Variants in ARHGAP15 observed in about 807,000 individuals in gnomAD.
ARHGAP15 encodes the protein rho GTPase-activating protein 15.
A neutral mutation model predicts 63.7 loss-of-function variants in ARHGAP15; 51 were observed. The ratio of observed to expected loss-of-function variants is 0.80; its 90% CI spans 0.64 to 1.01. The LOEUF is 1.01. Among genes scored for constraint, ARHGAP15 ranks in the 50% least tolerant of loss-of-function variants. The pLI, the probability that ARHGAP15 is intolerant of heterozygous loss-of-function variation, is 0.00. For missense variants in ARHGAP15, 560 were observed against 564.6 expected (o/e 0.99, Z 0.08); for synonymous variants, 191 against 193.8 (o/e 0.99, Z 0.12).
At chr2:143,621,180 TAGAATGTACAAG>T (rs1698635274) in intron 11 of ARHGAP15, among the ~76,000 whole-genome samples, 1 of 152,160 alleles carries the variant, frequency 6.6e-6, no homozygotes, top group African/African-American at 2.4e-5. Context: ...CTAAACATAC[TAGAATGTACAAG>T]ACAGCCCCCA....
In ARHGAP15 at chr2:143,618,878, C is replaced by G. The variant is rs376890139; in HGVS notation, c.1004-5255C>G. Among the ~76,000 whole-genome samples, 24 of 151,666 alleles carry G rather than the reference C, an allele frequency of 1.6e-4. No individual in the cohort carries two copies. In the East Asian group the frequency reaches 4.7e-3, roughly 30 times the overall value. On this transcript the variant is annotated intron_variant, in intron 11 of 13. Coordinates refer to ENST00000295095, the MANE Select transcript of ARHGAP15 (RefSeq NM_018460.4). ...ACGGAGTCTCGCTCCGTCACCGAGG[C>G]GGATGGGGTGCAGTGGTGTGATCTT...
intron 6 of ARHGAP15, among the ~76,000 whole-genome samples, chr2:143,318,505 G>A (rs1382390532): frequency 3.0e-5 from 4 of 132,858 alleles, no homozygotes; most frequent in African/African-American, 1.2e-4. Context: ...TCCAGATTAA[G>A]GGCCTTTTTT....
At chr2:143,443,071 A>G (rs1689963432) in intron 8 of ARHGAP15, among the ~76,000 whole-genome samples, 1 of 152,194 alleles carries the variant, frequency 6.6e-6, no homozygotes, top group Admixed American at 6.6e-5. Flanking sequence ...ATTATCCAAA[A>G]TTAAAAAGTC....
At chr2:143,388,207 T>C (rs1233949799) in intron 6 of ARHGAP15, among the ~76,000 whole-genome samples, 1 of 152,198 alleles carries the variant, frequency 6.6e-6, no homozygotes, top group Non-Finnish European at 1.5e-5. Context: ...TTTAATTAAA[T>C]ATTACATGAA....
chr2:143,162,226 G>C (rs150228629), intron 2 of ARHGAP15: 2 of 152,108 alleles, frequency 1.3e-5, no homozygotes, highest in African/African-American at 4.8e-5. Context: ...CACTTTCTCC[G>C]TTTATGTAAC....
intron 6 of ARHGAP15, among the ~76,000 whole-genome samples, chr2:143,358,523 TATGTA>T (rs1283923753): frequency 1.3e-4 from 20 of 150,348 alleles, no homozygotes; most frequent in African/African-American, 4.4e-4. Flanking sequence ...TGAAAGAAAA[TATGTA>T]AAGTAAAAAA....
intron 2 of ARHGAP15, among the ~76,000 whole-genome samples, chr2:143,181,744 G>A (rs1691243214): frequency 6.6e-6 from 1 of 152,178 alleles, no homozygotes; most frequent in Admixed American, 6.5e-5. Flanking sequence ...CTTCTATCCA[G>A]ACCACTCAAA....
intron 12 of ARHGAP15, among the ~76,000 whole-genome samples, chr2:143,645,518 A>G (rs1327508030): frequency 6.6e-6 from 1 of 152,120 alleles, no homozygotes; most frequent in African/African-American, 2.4e-5. Flanking sequence ...TACTTATCAC[A>G]GCAGGTATGA....
rs148636064 is a variant in ARHGAP15 at position 143,225,607 on chromosome 2, AAAAACAAAACAAAAC to A, written c.297-2954_297-2940del. ...GGCGACAGAGCGAGACTCCGTCTCAAAAAACAAAACAAAACAAAACAAAACAAAACAAAAACCAGA... is the reference window on the plus strand; with the variant it reads ...GGCGACAGAGCGAGACTCCGTCTCAAAAAACAAAACAAAACAAAAACCAGA... On this transcript the variant is annotated intron_variant, in intron 4 of 13. Transcript: ENST00000295095. 5.9e-5 allele frequency among the ~76,000 whole-genome samples: 9 copies of A among 151,936 alleles called. No homozygotes were observed. The South Asian group carries it at 1.5e-3, about 24-fold the overall frequency.
chr2:143,680,126 T>C (rs1215415647), intron 12 of ARHGAP15, among the ~76,000 whole-genome samples: 2 of 151,640 alleles, frequency 1.3e-5, no homozygotes, highest in African/African-American at 4.8e-5. Context: ...CCTTAATATT[T>C]ATAATTCCAA....
At chr2:143,726,038 G>A (rs1460063985) in intron 13 of ARHGAP15, among the ~76,000 whole-genome samples, 1 of 152,148 alleles carries the variant, frequency 6.6e-6, no homozygotes, top group African/African-American at 2.4e-5. Context: ...ATAAATCAAT[G>A]CAGTTTTGCT....
intron 8 of ARHGAP15, among the ~76,000 whole-genome samples, chr2:143,443,589 C>A (rs1689995712): frequency 6.6e-6 from 1 of 152,074 alleles, no homozygotes; most frequent in South Asian, 2.1e-4. Flanking sequence ...AGTTGAGTGT[C>A]ACTTGTCTTT....
At chr2:143,602,208 C>T (rs1697800358) in intron 11 of ARHGAP15, among the ~76,000 whole-genome samples, 1 of 152,124 alleles carries the variant, frequency 6.6e-6, no homozygotes, top group South Asian at 2.1e-4. Flanking sequence ...TAACATTATA[C>T]AGCTTTCTAA....
chr2:143,487,229 C>A, intron 8 of ARHGAP15, 144 bp from the exon 9 acceptor site: 2 of 916,584 alleles, frequency 2.2e-6, no homozygotes, highest in Non-Finnish European at 3.2e-6. Context: ...AAATTTTACT[C>A]ACATGGCTTG....
intron 6 of ARHGAP15, among the ~76,000 whole-genome samples, chr2:143,356,133 T>C (rs1467674964): frequency 1.3e-5 from 2 of 152,022 alleles, no homozygotes; most frequent in South Asian, 2.1e-4. Flanking sequence ...TCCGAAGAGA[T>C]AGTGTTGCTC....
intron 11 of ARHGAP15, among the ~76,000 whole-genome samples, chr2:143,614,257 A>G (rs924055822): frequency 3.3e-5 from 5 of 152,170 alleles, no homozygotes; most frequent in Admixed American, 1.3e-4. Context: ...AGCAGTCTGC[A>G]AGAAGTTATA....
At chr2:143,163,342 T>A (rs940701715) in intron 2 of ARHGAP15, among the ~76,000 whole-genome samples, 3 of 151,816 alleles carry the variant, frequency 2.0e-5, no homozygotes, top group African/African-American at 7.3e-5. Flanking sequence ...TACAGTAGAT[T>A]CTATGTATGT....
At chr2:143,345,576 G>A (rs527388626) in intron 6 of ARHGAP15, among the ~76,000 whole-genome samples, 1 of 151,700 alleles carries the variant, frequency 6.6e-6, no homozygotes, top group Non-Finnish European at 1.5e-5. Context: ...TTTTTTTAAC[G>A]CTTTTGGCAC....
At chr2:143,291,434 G>T (rs764902449) in intron 6 of ARHGAP15, among the ~76,000 whole-genome samples, 1 of 104,588 alleles carries the variant, frequency 9.6e-6, no homozygotes, top group African/African-American at 4.2e-5. Flanking sequence ...ACACACTCAG[G>T]CACATACATT....
Sources: allele counts gnomAD v4.1 joint callset (sites outside exome capture counted in the v4.1 genomes callset), GRCh38; gene constraint gnomAD v4.1.1; transcripts MANE v1.5; gene names NCBI Gene and HGNC (gene_info 2026-07-23, HGNC 2026-07-21).